The following CDK13 variants were observed in gnomAD, a reference collection of about 807,000 sequenced individuals.
CDK13 encodes cyclin-dependent kinase 13.
CDK13 carries 40 observed loss-of-function variants against 137.6 expected under a neutral mutation model. The observed-to-expected ratio is 0.29, with a 90% confidence interval of 0.23 to 0.38. The LOEUF (loss-of-function observed/expected upper bound fraction) is 0.38, where lower values mean the gene tolerates loss of function less well. Among genes scored for constraint, CDK13 ranks in the 10% least tolerant of loss-of-function variants. The pLI, the probability that CDK13 is intolerant of heterozygous loss-of-function variation, is 1.00. For synonymous variants in CDK13, 869 were observed against 760.1 expected, an observed-to-expected ratio of 1.14 and a Z score of -2.36; for missense variants, 1,704 against 1,951.8, an observed-to-expected ratio of 0.87 and a Z score of 2.39.
intron 5 of CDK13, among the ~76,000 whole-genome samples, chr7:40,005,575 G>A (rs1583978483): frequency 6.6e-6 from 1 of 151,974 alleles, no homozygotes; most frequent in East Asian, 1.9e-4. Flanking sequence ...TAGATTACAG[G>A]CGTGAGCCCC....
At position 39,950,519 on chromosome 7, in the gene CDK13, C is replaced by G; in HGVS notation, c.-123C>G. ...CGACCCGGATTATCGTGGCGCTTTT[C>G]CCGGCCGGCTCTGGTGCTCGGTGTC... On this transcript the variant is annotated 5_prime_UTR_variant, in exon 1 of 14. Coordinates refer to ENST00000181839, the MANE Select transcript of CDK13 (RefSeq NM_003718.5). 1 of 1,266,834 alleles carries G rather than the reference C, an allele frequency of 7.9e-7. No homozygotes were observed. The highest frequency in any genetic ancestry group is 9.9e-7 in the Non-Finnish European group (1 of 1,007,022). The allele number at this position is 1,266,834 out of a possible 1,614,324, so 78.5% of individuals were successfully genotyped here.
rs377635613 is a variant in CDK13, at chr7:40,094,767, C to T, written c.4326C>T (p.Asp1442=). ...GPIAVLANSS[D]PSTGPESTHP... ...TTGCAGTCCTGGCAAACAGCAGTGA[C>T]CCTTCCACGGGGCCAGAGAGTACTC... The change falls in exon 14 of 14, where the codon GAC becomes GAT. Residue 1442 remains aspartate (D), a synonymous_variant. Coordinates refer to ENST00000181839, the MANE Select transcript of CDK13 (RefSeq NM_003718.5). 61 of 1,612,708 alleles carry T rather than the reference C, an allele frequency of 3.8e-5. No homozygotes were observed. The highest frequency in any genetic ancestry group is 5.0e-5 in the Non-Finnish European group (59 of 1,179,372).
intron 6 of CDK13, among the ~76,000 whole-genome samples, chr7:40,046,991 AAAGC>A (rs1785755708): frequency 6.7e-6 from 1 of 149,110 alleles, no homozygotes; most frequent in Non-Finnish European, 1.5e-5. Context: ...CCTGGGTGAC[AAAGC>A]AAGCAAGACT....
chr7:40,059,721 A>G (rs1222012429), intron 7 of CDK13, among the ~76,000 whole-genome samples: 1 of 152,112 alleles, frequency 6.6e-6, no homozygotes, highest in African/African-American at 2.4e-5. Context: ...TTTGATCTCT[A>G]CTCCGTTGAC....
chr7:39,955,327 T>C (rs1168573621), intron 1 of CDK13, among the ~76,000 whole-genome samples: 1 of 152,188 alleles, frequency 6.6e-6, no homozygotes, highest in Non-Finnish European at 1.5e-5. Flanking sequence ...AGCGATTTGT[T>C]CCAAGGTCAG....
chr7:40,003,098 TTAAAG>T (rs1399114491), intron 5 of CDK13, among the ~76,000 whole-genome samples: 2 of 149,098 alleles, frequency 1.3e-5, no homozygotes, highest in African/African-American at 2.5e-5. Context: ...AAGAAAAAGA[TTAAAG>T]TAGGTATGTT....
chr7:40,054,709 G>A lies in CDK13; in HGVS notation c.2600+6832G>A, dbSNP rs17496572. On this transcript the variant is annotated intron_variant, in intron 7 of 13. Coordinates refer to ENST00000181839, the MANE Select transcript of CDK13 (RefSeq NM_003718.5). ...GCCTTCCAAAGTGCTGGGATTACAG[G>A]GGTCAGCCACGGCACCTGGCCTGAC... 2.8e-3 allele frequency among the ~76,000 whole-genome samples: 423 copies of A among 152,278 alleles called. 2 individuals are homozygous for A. Among genetic ancestry groups the A allele is most frequent in the African/African-American group, 9.7e-3 (402 of 41,558 alleles).
intron 9 of CDK13, chr7:40,071,378 C>G (rs1214937905): frequency 6.6e-6 from 1 of 152,130 alleles, no homozygotes; most frequent in African/African-American, 2.4e-5. Flanking sequence ...GCAGATCTGT[C>G]TGGTTTAATA....
intron 1 of CDK13, among the ~76,000 whole-genome samples, chr7:39,967,448 A>G (rs962256225): frequency 4.6e-5 from 7 of 152,026 alleles, no homozygotes; most frequent in African/African-American, 1.4e-4. Flanking sequence ...AAAATAAAAC[A>G]AAAAACAAAC....
At chr7:39,980,533 G>T (rs1406011010) in intron 1 of CDK13, among the ~76,000 whole-genome samples, 3 of 152,116 alleles carry the variant, frequency 2.0e-5, no homozygotes, top group East Asian at 1.9e-4. Context: ...TTTTGGGGGG[G>T]TTAATAAGTT....
chr7:40,043,103 A>G (rs987292802), intron 5 of CDK13, among the ~76,000 whole-genome samples: 4 of 152,160 alleles, frequency 2.6e-5, no homozygotes, highest in Non-Finnish European at 2.9e-5. Context: ...TCTCTCTTCC[A>G]TATTGTTTCC....
chr7:40,057,529 G>A lies in CDK13; in HGVS notation c.2601-5297G>A, dbSNP rs1187539551. 2.6e-5 allele frequency among the ~76,000 whole-genome samples: 4 copies of A among 152,164 alleles called. No individual in the cohort carries two copies. In the East Asian group the frequency reaches 7.7e-4, roughly 29 times the overall value. Reference sequence around the variant, plus strand: ...CTTGGTCATGTGGCCACACCTAACTGCAGTGAGGATGGGAAATGTAGCAGA... The same window carrying A: ...CTTGGTCATGTGGCCACACCTAACTACAGTGAGGATGGGAAATGTAGCAGA... On this transcript the variant is annotated intron_variant, in intron 7 of 13. Coordinates refer to ENST00000181839, the MANE Select transcript of CDK13 (RefSeq NM_003718.5).
At chr7:39,963,208 C>A (rs1783790255) in intron 1 of CDK13, among the ~76,000 whole-genome samples, 2 of 152,214 alleles carry the variant, frequency 1.3e-5, no homozygotes, top group South Asian at 2.1e-4. Flanking sequence ...TATAAATTAC[C>A]TTGGGCAGTA....
intron 1 of CDK13, among the ~76,000 whole-genome samples, chr7:39,960,686 A>T (rs1196238456): frequency 6.6e-6 from 1 of 151,982 alleles, no homozygotes; most frequent in Non-Finnish European, 1.5e-5. Flanking sequence ...GCTGTTCTTC[A>T]GCTTTAGCCT....
chr7:40,042,475 T>TA (rs1209358691), intron 5 of CDK13, among the ~76,000 whole-genome samples: 1 of 123,556 alleles, frequency 8.1e-6, no homozygotes, highest in Non-Finnish European at 1.6e-5. Flanking sequence ...TTTCTTTTCT[T>TA]TCTTTTTTTT....
At chr7:40,046,866 G>A (rs1311052695) in intron 6 of CDK13, among the ~76,000 whole-genome samples, 1 of 151,658 alleles carries the variant, frequency 6.6e-6, no homozygotes. Context: ...ACCCGGTGTG[G>A]TGGCACACAC....
chr7:39,951,095 C>G lies in CDK13; in HGVS notation c.454C>G (p.Gln152Glu), dbSNP rs1269138380. 2 of 1,259,724 alleles carry G rather than the reference C, an allele frequency of 1.6e-6. 1 individual carries two copies. The highest frequency in any genetic ancestry group is 2.0e-6 in the Non-Finnish European group (2 of 1,003,800). The allele number at this position is 1,259,724 out of a possible 1,614,324, so 78.0% of individuals were successfully genotyped here. ...GGTGGAATACGAGGATGTGAGCTCC[C>G]AGTCCGAGCAGGGGCTGCTGCTGGG... is the stretch of plus-strand genomic sequence containing the variant. ...PLVEYEDVSS[Q>E]SEQGLLLGGA... Residue 152 changes from glutamine (Q) to glutamate (E), a missense_variant, in exon 1 of 14, where the codon CAG (glutamine) becomes GAG (glutamate). Gln to Glu is a conservative substitution (Grantham distance 29, BLOSUM62 2). Transcript: ENST00000181839.
chr7:40,001,239 G>A (rs548447911), intron 4 of CDK13, among the ~76,000 whole-genome samples: 7 of 147,436 alleles, frequency 4.7e-5, no homozygotes, highest in East Asian at 2.0e-4. Flanking sequence ...TTTTTGAGAC[G>A]GAGTCTTGCA....
At chr7:39,957,060 A>G (rs1787428541) in intron 1 of CDK13, among the ~76,000 whole-genome samples, 1 of 151,624 alleles carries the variant, frequency 6.6e-6, no homozygotes, top group Non-Finnish European at 1.5e-5. Context: ...CCAGCTTTGC[A>G]TTTAAAACTC....
Sources: gnomAD v4.1 joint callset for allele counts (sites outside exome capture counted in the v4.1 genomes callset) on GRCh38, gnomAD v4.1.1 for gene constraint, MANE v1.5 for transcripts, NCBI Gene and HGNC (gene_info 2026-07-23, HGNC 2026-07-21) for gene names.